CDK13: variants seen among roughly 807,000 people sequenced by gnomAD.
The protein encoded by CDK13 is cyclin-dependent kinase 13.
A neutral mutation model predicts 137.6 loss-of-function variants in CDK13; 40 were observed. The observed-to-expected ratio is 0.29, with a 90% CI of 0.23 to 0.38. The LOEUF (loss-of-function observed/expected upper bound fraction) is 0.38, where lower values mean the gene tolerates loss of function less well. Ranked by LOEUF, CDK13 falls within the 10% of genes least tolerant of loss-of-function variation. CDK13 has a pLI of 1.00. For synonymous variants in CDK13, 869 were observed against 760.1 expected (o/e 1.14, Z -2.36); for missense variants, 1,704 against 1,951.8 (o/e 0.87, Z 2.39).
chr7:39,981,504 A>C (rs1034922134), intron 1 of CDK13, among the ~76,000 whole-genome samples: 1 of 152,202 alleles, frequency 6.6e-6, no homozygotes, highest in African/African-American at 2.4e-5. Flanking sequence ...TCTTATTCTC[A>C]TAACTTTTTA....
Position 39,951,192 on chromosome 7 carries a change from C to A in CDK13, c.551C>A (p.Ser184Tyr). Residue 184 changes from serine (S) to tyrosine (Y), a missense_variant, in exon 1 of 14, where the codon TCC becomes TAC. This residue lies in a region of CDK13 where 1,051 missense variants were observed against 931.0 expected (regional missense o/e 1.13). Coordinates refer to ENST00000181839, the MANE Select transcript of CDK13 (RefSeq NM_003718.5). ...TGGSGGSPASSSGTQRRGEGS... is the reference protein window; with the variant it reads ...TGGSGGSPASYSGTQRRGEGS... Reference sequence around the variant, plus strand: ...GGCAGCGGCGGGAGTCCGGCCTCCTCCTCCGGCACCCAGCGGCGCGGGGAG... The same window carrying A: ...GGCAGCGGCGGGAGTCCGGCCTCCTACTCCGGCACCCAGCGGCGCGGGGAG... 1 of 1,250,506 alleles carries A rather than the reference C, an allele frequency of 8.0e-7. No individual in the cohort carries two copies. The highest frequency in any genetic ancestry group is 3.2e-5 in the East Asian group (1 of 31,564). 77.5% of individuals were successfully genotyped at this position (1,250,506 alleles called of 1,614,324 possible).
At position 40,045,403 on chromosome 7, in the gene CDK13, G is replaced by A. The variant is rs577927069; in HGVS notation, c.2354-433G>A. Among the ~76,000 whole-genome samples, 30 of 148,736 alleles carry A rather than the reference G, an allele frequency of 2.0e-4. No homozygotes were observed. The South Asian group carries it at 5.9e-3, about 29-fold the overall frequency. On this transcript the variant is annotated intron_variant, in intron 5 of 13. Coordinates refer to ENST00000181839, the MANE Select transcript of CDK13 (RefSeq NM_003718.5). ...TACATGTTTATTGAGGCATTTAGAA[G>A]TCGCCTAACATCTTTCTTGGCCTGT...
chr7:40,091,656 C>G (rs1786927479), intron 12 of CDK13, among the ~76,000 whole-genome samples: 1 of 152,126 alleles, frequency 6.6e-6, no homozygotes, highest in South Asian at 2.1e-4. Flanking sequence ...GACCACATCC[C>G]TGAATTCATA....
chr7:40,045,945 C>T lies in CDK13; in HGVS notation c.2463C>T (p.Leu821=). Residue 821 remains leucine, a synonymous_variant, in exon 6 of 14, where the codon CTC becomes CTT. Transcript: ENST00000181839. ...ENHIKSFMRQ[L]MEGLDYCHKK... ...ACATAAAGTCATTTATGAGACAGCT[C>T]ATGGAGGGTCTGGATTATTGTCATA... The T allele has an allele frequency of 1.2e-6, 2 of 1,612,256 alleles. No individual in the cohort carries two copies. The highest frequency in any genetic ancestry group is 1.7e-6 in the Non-Finnish European group (2 of 1,178,562).
At chr7:40,054,554 C>T (rs1008240087) in intron 7 of CDK13, among the ~76,000 whole-genome samples, 1 of 151,916 alleles carries the variant, frequency 6.6e-6, no homozygotes, top group Non-Finnish European at 1.5e-5. Flanking sequence ...CCTCAGTCTC[C>T]CAAGTAGCTG....
At chr7:39,993,045 G>A (rs1457810240) in intron 2 of CDK13, among the ~76,000 whole-genome samples, 1 of 152,066 alleles carries the variant, frequency 6.6e-6, no homozygotes, top group African/African-American at 2.4e-5. Context: ...GAGCTGTAGG[G>A]TAATATTTTT....
chr7:40,079,430 A>C (rs1465472073), intron 11 of CDK13, among the ~76,000 whole-genome samples: 3 of 152,186 alleles, frequency 2.0e-5, no homozygotes, highest in African/African-American at 7.2e-5. Context: ...AAAAAAAAAA[A>C]AATATTACTG....
Position 40,062,813 on chromosome 7 carries a change from C to T in CDK13, c.2601-13C>T, listed in dbSNP as rs1463860550. ...AAATACTAACTCTAAAGACTGTTTTCTGTGTTTTTTAGTCGGCCGTATACT... is the reference window on the plus strand; with the variant it reads ...AAATACTAACTCTAAAGACTGTTTTTTGTGTTTTTTAGTCGGCCGTATACT... On this transcript the variant is annotated splice_polypyrimidine_tract_variant and intron_variant, in intron 7 of 13. Transcript: ENST00000181839. 1 of 1,564,420 alleles carries T rather than the reference C, an allele frequency of 6.4e-7. No homozygotes were observed. The highest frequency in any genetic ancestry group is 1.4e-5 in the African/African-American group (1 of 73,990).
chr7:39,969,232 G>T (rs572936880), intron 1 of CDK13, among the ~76,000 whole-genome samples: 17 of 152,054 alleles, frequency 1.1e-4, no homozygotes, highest in African/African-American at 4.1e-4. Context: ...AGCTGGTCTC[G>T]AACTCCTCAC....
intron 1 of CDK13, among the ~76,000 whole-genome samples, chr7:39,959,680 G>A (rs1447699800): frequency 6.6e-6 from 1 of 152,054 alleles, no homozygotes; most frequent in Admixed American, 6.5e-5. Flanking sequence ...GCCAAGGCTG[G>A]TCTCGAACTC....
chr7:39,976,347 A>ACACACACACACACACACT (rs1784112087), intron 1 of CDK13, among the ~76,000 whole-genome samples: 12 of 149,240 alleles, frequency 8.0e-5, no homozygotes, highest in Admixed American at 5.4e-4. Flanking sequence ...ACACACACAC[A>ACACACACACACACACACT]CACACACACA....
chr7:40,040,009 CTTT>C (rs751184920), intron 5 of CDK13, among the ~76,000 whole-genome samples: 2 of 133,512 alleles, frequency 1.5e-5, no homozygotes, highest in Non-Finnish European at 1.6e-5. Flanking sequence ...GATTCATTTG[CTTT>C]TTTTTTTTTT....
chr7:40,091,031 C>G (rs1035685199), intron 12 of CDK13, among the ~76,000 whole-genome samples: 1 of 151,304 alleles, frequency 6.6e-6, no homozygotes, highest in Non-Finnish European at 1.5e-5. Flanking sequence ...GCCAACATGG[C>G]AAAACCATGT....
intron 1 of CDK13, among the ~76,000 whole-genome samples, chr7:39,956,449 C>T (rs1404214999): frequency 1.3e-5 from 2 of 152,218 alleles, no homozygotes; most frequent in African/African-American, 4.8e-5. Context: ...GGTTAATTAG[C>T]TAGACTTCAT....
chr7:39,987,007 G>A (rs1262839327), intron 1 of CDK13: 1 of 152,336 alleles, frequency 6.6e-6, no homozygotes, highest in East Asian at 1.9e-4. Context: ...GGCCAGGCTG[G>A]TCTCGAACTC....
intron 5 of CDK13, among the ~76,000 whole-genome samples, chr7:40,038,876 G>A (rs975140817): frequency 2.0e-5 from 3 of 151,908 alleles, no homozygotes; most frequent in Non-Finnish European, 2.9e-5. Context: ...TATATTTTTA[G>A]CAGAAACGGG....
intron 9 of CDK13, among the ~76,000 whole-genome samples, chr7:40,074,648 G>C (rs559522629): frequency 6.6e-6 from 1 of 152,084 alleles, no homozygotes; most frequent in East Asian, 1.9e-4. Flanking sequence ...CTTGAGGCTA[G>C]GAGTTTGAGG....
At chr7:40,013,733 C>T (rs1784944182) in intron 5 of CDK13, among the ~76,000 whole-genome samples, 1 of 152,046 alleles carries the variant, frequency 6.6e-6, no homozygotes, top group African/African-American at 2.4e-5. Flanking sequence ...ACCAATTGAA[C>T]ACTTTAAGTG....
chr7:40,069,822 C>T (rs1469253691), intron 9 of CDK13: 1 of 152,242 alleles, frequency 6.6e-6, no homozygotes, highest in East Asian at 1.9e-4. Flanking sequence ...TGGCTCATAC[C>T]TATAATCCCA....
Sources: gnomAD v4.1 joint callset for allele counts (sites outside exome capture counted in the v4.1 genomes callset) on GRCh38, gnomAD v4.1.1 for gene constraint, gnomAD v4.1.1 regional missense constraint, MANE v1.5 for transcripts, NCBI Gene and HGNC (gene_info 2026-07-23, HGNC 2026-07-21) for gene names.